The following NRXN3 variants were observed in gnomAD, a reference collection of about 807,000 sequenced individuals.
The protein encoded by NRXN3 is neurexin 3.
NRXN3 carries 32 observed loss-of-function variants against 137.6 expected under a neutral mutation model. The ratio of observed to expected loss-of-function variants is 0.23; its 90% CI spans 0.18 to 0.31. The LOEUF is 0.31. Ranked by LOEUF, NRXN3 falls within the 10% of genes least tolerant of loss-of-function variation. The pLI, the probability that NRXN3 is intolerant of heterozygous loss-of-function variation, is 1.00. For missense variants in NRXN3, 1,574 were observed against 2,062.5 expected (o/e 0.76, Z 4.59); for synonymous variants, 798 against 784.5 (o/e 1.02, Z -0.29).
chr14:79,659,087 C>T (rs1031781374), intron 16 of NRXN3, among the ~76,000 whole-genome samples: 2 of 152,066 alleles, frequency 1.3e-5, no homozygotes, highest in Non-Finnish European at 2.9e-5. Flanking sequence ...GATAGGGCAG[C>T]TGAAGCTGGA....
chr14:79,713,793 G>A (rs778343308), intron 19 of NRXN3, among the ~76,000 whole-genome samples: 1 of 150,416 alleles, frequency 6.6e-6, no homozygotes, highest in Non-Finnish European at 1.5e-5. Context: ...CAGAAAGAAT[G>A]AGAATTAAAT....
chr14:79,498,527 G>A (rs2096789172), intron 16 of NRXN3, among the ~76,000 whole-genome samples: 1 of 152,164 alleles, frequency 6.6e-6, no homozygotes, highest in Non-Finnish European at 1.5e-5. Context: ...AGTGATCCTT[G>A]TCTCAGTAAT....
At position 79,363,004 on chromosome 14, in the gene NRXN3, A is replaced by AT. The variant is rs11368184; in HGVS notation, c.3263-104200dup. ...GACCATTTAGAAATTTAGAATTGGAATTTTTTTTTTTTTTTTTGAGTCTCG... is the reference window on the plus strand; with the variant it reads ...GACCATTTAGAAATTTAGAATTGGAATTTTTTTTTTTTTTTTTTGAGTCTCG... On this transcript the variant is annotated intron_variant, in intron 15 of 20. Transcript: ENST00000335750. 9.4e-3 allele frequency among the ~76,000 whole-genome samples: 1,345 copies of AT among 143,112 alleles called. 14 individuals are homozygous for AT. Among genetic ancestry groups the AT allele is most frequent in the African/African-American group, 0.026 (1,021 of 38,876 alleles). The allele number at this position is 143,112 out of a possible 152,430, so 93.9% of individuals were successfully genotyped here. A position where few individuals can be genotyped will look rare whatever the true frequency, so the allele number is the denominator to read the frequency against.
intron 16 of NRXN3, among the ~76,000 whole-genome samples, chr14:79,604,717 T>C (rs74638145): frequency 0.018 from 2,678 of 152,228 alleles, 92 homozygotes; most frequent in African/African-American, 0.062. Context: ...CAGAAGCTCT[T>C]TCTTCATTTT....
chr14:78,951,834 G>C (rs2099387702), intron 10 of NRXN3, among the ~76,000 whole-genome samples: 1 of 152,188 alleles, frequency 6.6e-6, no homozygotes, highest in African/African-American at 2.4e-5. Context: ...TGGCAGAAGT[G>C]AGTAACAGTA....
Position 78,243,012 on chromosome 14 carries a change from A to G in NRXN3, c.-82A>G, listed in dbSNP as rs538418642. The G allele has an allele frequency of 6.9e-6, 7 of 1,015,710 alleles. No individual in the cohort carries two copies. In the South Asian group the frequency reaches 1.2e-4, roughly 17 times the overall value. The allele number at this position is 1,015,710 out of a possible 1,614,324, so 62.9% of individuals were successfully genotyped here. A position where few individuals can be genotyped will look rare whatever the true frequency, so the allele number is the denominator to read the frequency against. On this transcript the variant is annotated 5_prime_UTR_variant, in exon 2 of 21. Transcript: ENST00000335750. This position sits in a 1 kb window ranked among gnomAD's most constrained non-coding sequence, Gnocchi z 4.2. ...CCCCCATCTCTGTCTTGTCTTTCCC[A>G]CTTCTATTGCCAAAGGGAGAGATCC... is the stretch of plus-strand genomic sequence containing the variant.
chr14:78,640,341 A>G (rs916642219), intron 4 of NRXN3, among the ~76,000 whole-genome samples: 1 of 152,212 alleles, frequency 6.6e-6, no homozygotes, highest in Non-Finnish European at 1.5e-5. Flanking sequence ...TATCCTTCTC[A>G]GTAAAATTAT....
intron 1 of NRXN3, among the ~76,000 whole-genome samples, chr14:78,240,033 A>C (rs2066879874): frequency 6.6e-6 from 1 of 152,148 alleles, no homozygotes; most frequent in Non-Finnish European, 1.5e-5. Context: ...TCACCTTCTC[A>C]AATACTCTTT....
intron 20 of NRXN3, among the ~76,000 whole-genome samples, chr14:79,818,407 C>G (rs950165159): frequency 1.3e-5 from 2 of 152,112 alleles, no homozygotes; most frequent in African/African-American, 4.8e-5. Flanking sequence ...AAACATATGC[C>G]CAGACAACAG....
At chr14:78,381,263 A>G (rs969152997) in intron 4 of NRXN3, among the ~76,000 whole-genome samples, 12 of 152,340 alleles carry the variant, frequency 7.9e-5, no homozygotes, top group Admixed American at 3.3e-4. Context: ...CCCCAAAAGC[A>G]TAATTCCTAA....
intron 20 of NRXN3, among the ~76,000 whole-genome samples, chr14:79,827,288 T>C (rs981941775): frequency 5.9e-5 from 9 of 151,900 alleles, no homozygotes; most frequent in Non-Finnish European, 1.3e-4. Flanking sequence ...GGAAACCTTC[T>C]CTGAAAAAAA....
At chr14:79,818,227 G>C (rs2099258699) in intron 20 of NRXN3, among the ~76,000 whole-genome samples, 2 of 151,864 alleles carry the variant, frequency 1.3e-5, no homozygotes, top group Admixed American at 1.3e-4. Flanking sequence ...CTAATTTTTT[G>C]TGTTTTTAGT....
At chr14:78,492,380 C>T (rs2095685751) in intron 4 of NRXN3, among the ~76,000 whole-genome samples, 1 of 152,140 alleles carries the variant, frequency 6.6e-6, no homozygotes, top group African/African-American at 2.4e-5. Context: ...GACATTCTAA[C>T]ATTCTAAAGA....
chr14:78,538,906 T>C lies in NRXN3; in HGVS notation c.758-106214T>C, dbSNP rs2096562064. ...TTTATTGTTGGTGCTGTTTATGTGA[T>C]GGATTACGTTTATTGATTTGTGTAT... On this transcript the variant is annotated intron_variant, in intron 4 of 20. Coordinates refer to ENST00000335750, the MANE Select transcript of NRXN3 (RefSeq NM_001330195.2). Among the ~76,000 whole-genome samples the C allele has an allele frequency of 4.6e-5, 7 of 152,364 alleles. No individual in the cohort carries two copies. In the South Asian group the frequency reaches 1.4e-3, roughly 32 times the overall value.
At chr14:78,600,426 C>T (rs994846577) in intron 4 of NRXN3, among the ~76,000 whole-genome samples, 1 of 152,152 alleles carries the variant, frequency 6.6e-6, no homozygotes, top group Non-Finnish European at 1.5e-5. Context: ...CATTTAATAC[C>T]GTTCCCAATG....
intron 20 of NRXN3, among the ~76,000 whole-genome samples, chr14:79,860,172 A>T (rs972063418): frequency 2.0e-5 from 3 of 152,182 alleles, no homozygotes; most frequent in Non-Finnish European, 4.4e-5. Context: ...GGGTAAACAG[A>T]TATGTTTTTG....
In NRXN3 at chr14:78,859,284, C is replaced by T. The variant is rs2099066026; in HGVS notation, c.2275+48940C>T. 1.3e-5 allele frequency among the ~76,000 whole-genome samples: 2 copies of T among 152,074 alleles called. 1 individual carries two copies. The highest frequency in any genetic ancestry group is 3.9e-4 in the East Asian group (2 of 5,176). On this transcript the variant is annotated intron_variant, in intron 10 of 20. Transcript: ENST00000335750. ...TAAACCTCTCTCCTTTGTAAATTACCCAGTCTTGGGTACTCCTTCATAGCG... is the reference window on the plus strand; with the variant it reads ...TAAACCTCTCTCCTTTGTAAATTACTCAGTCTTGGGTACTCCTTCATAGCG...
intron 2 of NRXN3, among the ~76,000 whole-genome samples, chr14:78,254,072 G>A (rs2069101939): frequency 6.6e-6 from 1 of 152,082 alleles, no homozygotes; most frequent in Non-Finnish European, 1.5e-5. Flanking sequence ...AATTCTTAAG[G>A]GATTCTCTAA....
intron 19 of NRXN3, among the ~76,000 whole-genome samples, chr14:79,799,973 GA>G (rs1176431464): frequency 6.6e-6 from 1 of 152,226 alleles, no homozygotes; most frequent in African/African-American, 2.4e-5. Context: ...ATGAATGAAT[GA>G]AAAAAGCACC....
Sources: gnomAD v4.1 joint callset for allele counts (sites outside exome capture counted in the v4.1 genomes callset) on GRCh38, gnomAD v4.1.1 for gene constraint, Gnocchi (gnomAD v3.1) non-coding constraint, MANE v1.5 for transcripts, NCBI Gene and HGNC (gene_info 2026-07-23, HGNC 2026-07-21) for gene names.